SGCZ: variants seen among roughly 807,000 people sequenced by gnomAD.
SGCZ encodes zeta-sarcoglycan.
Under a neutral mutation model 41.3 loss-of-function variants are expected in SGCZ, and 40 were observed. That is an observed-to-expected ratio of 0.97 (90% CI 0.75 to 1.26). The LOEUF (loss-of-function observed/expected upper bound fraction) is 1.26, where lower values mean the gene tolerates loss of function less well. Among genes scored for constraint, SGCZ ranks in the 50% most tolerant of loss-of-function variants. The pLI, the probability that SGCZ is intolerant of heterozygous loss-of-function variation, is 0.00. For synonymous variants in SGCZ, 206 were observed against 137.5 expected, an observed-to-expected ratio of 1.50 and a Z score of -3.49; for missense variants, 552 against 369.8, an observed-to-expected ratio of 1.49 and a Z score of -4.04.
chr8:14,537,662 C>T (rs1302389977), intron 2 of SGCZ, among the ~76,000 whole-genome samples: 1 of 151,650 alleles, frequency 6.6e-6, no homozygotes, highest in African/African-American at 2.4e-5. Flanking sequence ...CTATCTCTCA[C>T]CATGACTTAC....
intron 1 of SGCZ, among the ~76,000 whole-genome samples, chr8:14,786,846 A>C (rs1800783376): frequency 1.7e-5 from 2 of 114,954 alleles, no homozygotes; most frequent in Admixed American, 9.9e-5. Context: ...GTTTAAAAAA[A>C]AAAAACAAAA....
intron 1 of SGCZ, among the ~76,000 whole-genome samples, chr8:14,838,269 A>G (rs1305406562): frequency 6.6e-6 from 1 of 152,122 alleles, no homozygotes; most frequent in Non-Finnish European, 1.5e-5. Context: ...TAGGATGACT[A>G]TAGTTGACAA....
In SGCZ at chr8:14,494,322, C is replaced by G. The variant is rs569553740; in HGVS notation, c.234+60410G>C. Among the ~76,000 whole-genome samples the G allele has an allele frequency of 3.3e-5, 5 of 152,224 alleles. No individual in the cohort carries two copies. In the East Asian group the frequency reaches 9.7e-4, roughly 29 times the overall value. ...AAAATAGGGAGCACTTGTGTAAGAC[C>G]TGCATAGGGTGGCTCAGCCCGGCTA... is the stretch of plus-strand genomic sequence containing the variant. On this transcript the variant is annotated intron_variant, in intron 2 of 7. Coordinates refer to ENST00000382080, the MANE Select transcript of SGCZ (RefSeq NM_139167.4).
chr8:14,869,762 T>G (rs999616471), intron 1 of SGCZ, among the ~76,000 whole-genome samples: 2 of 152,086 alleles, frequency 1.3e-5, no homozygotes, highest in African/African-American at 2.4e-5. Flanking sequence ...ACAATCAATG[T>G]GAAAAATCAC....
intron 1 of SGCZ, among the ~76,000 whole-genome samples, chr8:15,066,342 A>G (rs947657737): frequency 1.1e-4 from 16 of 149,758 alleles, no homozygotes; most frequent in Middle Eastern, 7.1e-3. Flanking sequence ...AAAGAAGTCC[A>G]CCTTACTTTT....
intron 1 of SGCZ, among the ~76,000 whole-genome samples, chr8:15,184,405 G>C (rs890644080): frequency 6.6e-6 from 1 of 152,114 alleles, no homozygotes. Flanking sequence ...CCCCAAAATA[G>C]AAAAGGCTGC....
chr8:14,204,964 T>C (rs1401493190), intron 4 of SGCZ, among the ~76,000 whole-genome samples: 1 of 152,102 alleles, frequency 6.6e-6, no homozygotes, highest in African/African-American at 2.4e-5. Flanking sequence ...TAATGGGACT[T>C]CTCAGCCTCC....
chr8:14,243,446 T>G (rs1798963345), intron 3 of SGCZ, among the ~76,000 whole-genome samples: 1 of 152,176 alleles, frequency 6.6e-6, no homozygotes. Flanking sequence ...ATATCCAGTG[T>G]TACTTAAAAA....
chr8:14,127,274 A>C (rs1178319681), intron 5 of SGCZ, among the ~76,000 whole-genome samples: 5 of 152,154 alleles, frequency 3.3e-5, no homozygotes, highest in African/African-American at 1.2e-4. Context: ...TCTATAAATC[A>C]TTTAACCTGA....
chr8:14,860,893 T>G (rs1803724946), intron 1 of SGCZ, among the ~76,000 whole-genome samples: 1 of 152,172 alleles, frequency 6.6e-6, no homozygotes, highest in Non-Finnish European at 1.5e-5. Context: ...AAATTCTTAA[T>G]CACTTTGTCT....
intron 1 of SGCZ, among the ~76,000 whole-genome samples, chr8:15,172,167 T>TTTTTTTTG (rs1799857923): frequency 7.6e-6 from 1 of 132,416 alleles, no homozygotes; most frequent in Non-Finnish European, 1.6e-5. Context: ...TTTTTTTTTT[T>TTTTTTTTG]TTTTTTTTTT....
chr8:14,688,217 C>A (rs1808680855), intron 1 of SGCZ, among the ~76,000 whole-genome samples: 1 of 152,090 alleles, frequency 6.6e-6, no homozygotes, highest in South Asian at 2.1e-4. Context: ...CACTTGTCAA[C>A]TTTGGCTTTT....
chr8:15,143,150 G>A (rs1208530568), intron 1 of SGCZ, among the ~76,000 whole-genome samples: 2 of 152,116 alleles, frequency 1.3e-5, no homozygotes, highest in East Asian at 1.9e-4. Context: ...TAGCTACTGT[G>A]AAGCCAAAAA....
intron 1 of SGCZ, among the ~76,000 whole-genome samples, chr8:15,167,452 G>A (rs1430223363): frequency 6.6e-6 from 1 of 152,124 alleles, no homozygotes; most frequent in Non-Finnish European, 1.5e-5. Flanking sequence ...GGACTTAAGA[G>A]GAGAGAATTA....
intron 3 of SGCZ, among the ~76,000 whole-genome samples, chr8:14,292,665 C>T (rs1800881187): frequency 6.6e-6 from 1 of 151,972 alleles, no homozygotes; most frequent in African/African-American, 2.4e-5. Flanking sequence ...CAAACTGTCT[C>T]ACTAAAGTCA....
intron 1 of SGCZ, among the ~76,000 whole-genome samples, chr8:14,828,864 T>C (rs1407779431): frequency 2.0e-5 from 3 of 152,198 alleles, no homozygotes; most frequent in Non-Finnish European, 4.4e-5. Context: ...CACTCATTTC[T>C]TTCTTCAAAC....
chr8:14,820,334 C>A (rs1236699041), intron 1 of SGCZ, among the ~76,000 whole-genome samples: 1 of 151,864 alleles, frequency 6.6e-6, no homozygotes, highest in Non-Finnish European at 1.5e-5. Context: ...TATATATACA[C>A]CCAACACTGG....
intron 5 of SGCZ, among the ~76,000 whole-genome samples, chr8:14,123,605 C>G (rs1051039243): frequency 6.6e-6 from 1 of 152,106 alleles, no homozygotes; most frequent in Non-Finnish European, 1.5e-5. Flanking sequence ...TTCTCTGTAG[C>G]AATGCAAAAA....
chr8:14,915,147 G>A (rs1382788201), intron 1 of SGCZ, among the ~76,000 whole-genome samples: 8 of 151,848 alleles, frequency 5.3e-5, no homozygotes, highest in East Asian at 1.9e-4. Flanking sequence ...ATATCTTCCC[G>A]TTTTAAATAT....
Sources: allele counts gnomAD v4.1 joint callset (sites outside exome capture counted in the v4.1 genomes callset), GRCh38; gene constraint gnomAD v4.1.1; transcripts MANE v1.5; gene names NCBI Gene and HGNC (gene_info 2026-07-23, HGNC 2026-07-21).